The following KCNQ2 variants were observed in gnomAD, a reference collection of about 807,000 sequenced individuals.
KCNQ2 encodes potassium voltage-gated channel subfamily Q member 2, also known as potassium voltage-gated channel subfamily KQT member 2.
A neutral mutation model predicts 84.8 loss-of-function variants in KCNQ2; 14 were observed. The ratio of observed to expected loss-of-function variants is 0.17; its 90% CI spans 0.11 to 0.26. The LOEUF (loss-of-function observed/expected upper bound fraction) is 0.26, where lower values mean the gene tolerates loss of function less well. Ranked by LOEUF, KCNQ2 falls within the 10% of genes least tolerant of loss-of-function variation. The pLI is 1.00. For missense variants in KCNQ2, 788 were observed against 1,254.0 expected, an observed-to-expected ratio of 0.63 and a Z score of 5.61; for synonymous variants, 599 against 554.1, an observed-to-expected ratio of 1.08 and a Z score of -1.14.
chr20:63,448,227 T>G (rs1568948036), intron 1 of KCNQ2: 1 of 152,276 alleles, frequency 6.6e-6, no homozygotes, highest in East Asian at 1.9e-4. Flanking sequence ...TTGTCTCATT[T>G]ACATTTTTCG....
intron 5 of KCNQ2, 145 bp downstream of exon 5, chr20:63,442,259 CGA>C: frequency 8.9e-7 from 1 of 1,129,260 alleles, no homozygotes; most frequent in Admixed American, 1.7e-5. Context: ...CACCCCGCCT[CGA>C]CCACAAGCCA....
chr20:63,467,618 C>T (rs1045596532), intron 1 of KCNQ2, among the ~76,000 whole-genome samples: 5 of 152,170 alleles, frequency 3.3e-5, no homozygotes, highest in Admixed American at 6.5e-5. Context: ...GGGCCATGGA[C>T]GTGTCAGGAG....
intron 15 of KCNQ2, chr20:63,410,904 C>A (rs1252572937): frequency 9.6e-6 from 4 of 416,238 alleles, no homozygotes; most frequent in South Asian, 6.9e-5. Context: ...GCCCCAGGGG[C>A]TCTACCCTCC....
chr20:63,453,590 G>A (rs1286319231), intron 1 of KCNQ2: 1 of 152,528 alleles, frequency 6.6e-6, no homozygotes, highest in African/African-American at 2.4e-5. Context: ...AGAGGCTTGG[G>A]AGGCAGGAGG....
chr20:63,456,428 C>G (rs1278159427), intron 1 of KCNQ2, among the ~76,000 whole-genome samples: 1 of 152,304 alleles, frequency 6.6e-6, no homozygotes, highest in Admixed American at 6.5e-5. Context: ...CAGAGGCTGA[C>G]TCCAAGTTGG....
chr20:63,446,283 G>A lies in KCNQ2; in HGVS notation c.387+464C>T, dbSNP rs2081423495. ...TGGATGGGGACCAGTCTCCTTGAGG[G>A]CCCCCCACCCCGTTACCAACAGCAA... On this transcript the variant is annotated intron_variant, in intron 2 of 16. Coordinates refer to ENST00000359125, the MANE Select transcript of KCNQ2 (RefSeq NM_172107.4). This position sits in a 1 kb window ranked among gnomAD's most constrained non-coding sequence, Gnocchi z 5.5. 3.9e-6 allele frequency: 1 copy of A among 259,194 alleles called. No homozygotes were observed. The highest frequency in any genetic ancestry group is 2.3e-5 in the African/African-American group (1 of 44,422). The allele number at this position is 259,194 out of a possible 1,614,324, so 16.1% of individuals were successfully genotyped here.
At chr20:63,450,553 TGGGGG>T (rs2081582058) in intron 1 of KCNQ2, among the ~76,000 whole-genome samples, 1 of 1,980 alleles carries the variant, frequency 5.1e-4, no homozygotes. Flanking sequence ...GGAAGACTGC[TGGGGG>T]TGGGGGAAGA....
At chr20:63,428,552 T>C (rs1454627936) in intron 9 of KCNQ2, 117 bp from the exon 10 acceptor site, 2 of 879,122 alleles carry the variant, frequency 2.3e-6, no homozygotes, top group Non-Finnish European at 3.7e-6. Flanking sequence ...CCCGGCGGCA[T>C]GTGACGTGGC....
chr20:63,422,817 C>G (rs1035633084), intron 11 of KCNQ2: 3 of 152,188 alleles, frequency 2.0e-5, no homozygotes, highest in Admixed American at 2.0e-4. Flanking sequence ...GGGCAGCGAG[C>G]ACGAGGGGCC....
chr20:63,407,527 C>T lies in KCNQ2; in HGVS notation c.1888-152G>A, dbSNP rs2079987190. 2.5e-6 allele frequency: 2 copies of T among 809,962 alleles called. No individual in the cohort carries two copies. Among genetic ancestry groups the T allele is most frequent in the South Asian group, 1.8e-5 (1 of 55,734 alleles). The allele number at this position is 809,962 out of a possible 1,614,324, so 50.2% of individuals were successfully genotyped here. A position where few individuals can be genotyped will look rare whatever the true frequency, so the allele number is the denominator to read the frequency against. On this transcript the variant is annotated intron_variant, in intron 16 of 16. Transcript: ENST00000359125. This position sits in a 1 kb window ranked among gnomAD's most constrained non-coding sequence, Gnocchi z 7.2. Reference sequence around the variant, plus strand: ...CAGGAAACGGGGGACCCAGGCTAGTCCCAGGAGATGTGGGGACCCGGGCTG... The same window carrying T: ...CAGGAAACGGGGGACCCAGGCTAGTTCCAGGAGATGTGGGGACCCGGGCTG...
At chr20:63,415,691 C>G (rs989002406) in intron 12 of KCNQ2, among the ~76,000 whole-genome samples, 4 of 152,154 alleles carry the variant, frequency 2.6e-5, no homozygotes, top group African/African-American at 9.7e-5. Flanking sequence ...GGTGCCGGAG[C>G]CTTCCTCACA....
At chr20:63,421,416 C>A (rs998177271) in intron 11 of KCNQ2, among the ~76,000 whole-genome samples, 14 of 152,188 alleles carry the variant, frequency 9.2e-5, no homozygotes, top group Non-Finnish European at 1.3e-4. Context: ...GCTGCAGGCA[C>A]AGCCCCCCAA....
rs539311258 is a variant in KCNQ2 at position 63,408,683 on chromosome 20, G to A, written c.1764-147C>T. The stretch of plus-strand genomic sequence containing the variant: ...CCAGGGGGCAGTGGGTGCCAGGACA[G>A]ATGGACGGGGTGCGCCCCGTTCTCA... On this transcript the variant is annotated intron_variant, in intron 15 of 16. Transcript: ENST00000359125. The surrounding 1 kb of genome is among the most constrained non-coding windows in gnomAD (Gnocchi z 5.0). 21 of 1,252,940 alleles carry A rather than the reference G, an allele frequency of 1.7e-5. No individual in the cohort carries two copies. Among genetic ancestry groups the A allele is most frequent in the Non-Finnish European group, 1.9e-5 (17 of 891,332 alleles). 77.6% of individuals were successfully genotyped at this position (1,252,940 alleles called of 1,614,324 possible). A position where few individuals can be genotyped will look rare whatever the true frequency, so the allele number is the denominator to read the frequency against.
chr20:63,407,468 G>A lies in KCNQ2; in HGVS notation c.1888-93C>T, dbSNP rs2079984467. On this transcript the variant is annotated intron_variant, in intron 16 of 16. Transcript: ENST00000359125. This position sits in a 1 kb window ranked among gnomAD's most constrained non-coding sequence, Gnocchi z 7.2. ...CCCAGGAAATGGGGGGGCCCAGGCTGGTTCCAGGAAACAGGAGAGACCCAG... is the reference window on the plus strand; with the variant it reads ...CCCAGGAAATGGGGGGGCCCAGGCTAGTTCCAGGAAACAGGAGAGACCCAG... The A allele has an allele frequency of 7.1e-7, 1 of 1,409,848 alleles. No homozygotes were observed. Among genetic ancestry groups the A allele is most frequent in the Admixed American group, 2.0e-5 (1 of 51,032 alleles). 87.3% of individuals were successfully genotyped at this position (1,409,848 alleles called of 1,614,324 possible). A position where few individuals can be genotyped will look rare whatever the true frequency, so the allele number is the denominator to read the frequency against.
At position 63,467,134 on chromosome 20, in the gene KCNQ2, C is replaced by T. The variant is rs554300229; in HGVS notation, c.296+5034G>A. On this transcript the variant is annotated intron_variant, in intron 1 of 16. Coordinates refer to ENST00000359125, the MANE Select transcript of KCNQ2 (RefSeq NM_172107.4). Reference sequence around the variant, plus strand: ...GGCCTGGCCGCTGGCCCCAGCCTCCCGTCAAACCTCAAGTGGACCTTCGGA... The same window carrying T: ...GGCCTGGCCGCTGGCCCCAGCCTCCTGTCAAACCTCAAGTGGACCTTCGGA... 3.3e-3 allele frequency among the ~76,000 whole-genome samples: 500 copies of T among 151,864 alleles called. 4 individuals carry two copies. Among genetic ancestry groups the T allele is most frequent in the African/African-American group, 0.011 (476 of 41,558 alleles).
intron 1 of KCNQ2, among the ~76,000 whole-genome samples, chr20:63,463,068 TG>T (rs1361582617): frequency 1.3e-5 from 2 of 151,862 alleles, no homozygotes; most frequent in East Asian, 3.9e-4. Context: ...TGTGTGTGTG[TG>T]TGTGTGTGTG....
intron 1 of KCNQ2, among the ~76,000 whole-genome samples, chr20:63,461,769 C>T (rs2081954891): frequency 6.7e-6 from 1 of 149,104 alleles, no homozygotes; most frequent in Non-Finnish European, 1.5e-5. Flanking sequence ...GAGGAGGCTG[C>T]ACCTACCCCA....
At chr20:63,422,770 G>A (rs2145607070) in intron 11 of KCNQ2, 1 of 152,562 alleles carries the variant, frequency 6.6e-6, no homozygotes, top group African/African-American at 2.4e-5. Flanking sequence ...GAGAGAAAGA[G>A]AGAGGCTGAG....
At chr20:63,412,385 G>A (rs2145530233) in intron 15 of KCNQ2, 1 of 169,742 alleles carries the variant, frequency 5.9e-6, no homozygotes, top group Non-Finnish European at 1.3e-5. Flanking sequence ...GTCAAGACAG[G>A]AGGGCGTTCC....
Sources: allele counts gnomAD v4.1 joint callset (sites outside exome capture counted in the v4.1 genomes callset), GRCh38; gene constraint gnomAD v4.1.1; non-coding constraint Gnocchi (gnomAD v3.1); transcripts MANE v1.5; gene names NCBI Gene and HGNC (gene_info 2026-07-23, HGNC 2026-07-21).